Variants in VIPR1 observed in about 807,000 individuals in gnomAD.
VIPR1 encodes the protein vasoactive intestinal polypeptide receptor 1.
VIPR1 carries 59 observed loss-of-function variants against 58.8 expected under a neutral mutation model. The ratio of observed to expected loss-of-function variants is 1.00; its 90% CI spans 0.81 to 1.25. The LOEUF (loss-of-function observed/expected upper bound fraction) is 1.25. VIPR1 is among the 50% of genes most tolerant of loss of function. The pLI, the probability that VIPR1 is intolerant of heterozygous loss-of-function variation, is 0.00. For synonymous variants in VIPR1, 251 were observed against 242.1 expected, an observed-to-expected ratio of 1.04 and a Z score of -0.34; for missense variants, 626 against 602.7, an observed-to-expected ratio of 1.04 and a Z score of -0.40.
At chr3:42,532,086 C>A in intron 9 of VIPR1, 156 bp from the exon 10 acceptor site, 1 of 909,834 alleles carries the variant, frequency 1.1e-6, no homozygotes, top group Non-Finnish European at 1.7e-6. Context: ...AGGTAGAGTT[C>A]CCGGATGACC....
chr3:42,533,514 TC>T (rs1401117090), intron 10 of VIPR1: 2 of 151,664 alleles, frequency 1.3e-5, no homozygotes, highest in Non-Finnish European at 1.5e-5. Context: ...GGACCTTATT[TC>T]CCCCAACTTA....
chr3:42,536,366 G>A lies in VIPR1; in HGVS notation c.*85G>A. ...GACGCCGGGGACAGAGGCCTGCCCG[G>A]GCGCGGCCAGCCCCGGCCCTGGGCT... On this transcript the variant is annotated 3_prime_UTR_variant, in exon 13 of 13. Coordinates refer to ENST00000325123, the MANE Select transcript of VIPR1 (RefSeq NM_004624.4). The A allele has an allele frequency of 2.9e-6, 4 of 1,395,918 alleles. No homozygotes were observed. In the South Asian group the frequency reaches 4.6e-5, roughly 16 times the overall value. The allele number at this position is 1,395,918 out of a possible 1,614,324, so 86.5% of individuals were successfully genotyped here.
At chr3:42,491,136 C>A (rs1464041328) in intron 1 of VIPR1, among the ~76,000 whole-genome samples, 1 of 152,128 alleles carries the variant, frequency 6.6e-6, no homozygotes, top group East Asian at 1.9e-4. Flanking sequence ...CAAAAGAGAG[C>A]CTGCAAGGAA....
chr3:42,516,326 CCATT>C (rs1700626587), intron 2 of VIPR1, among the ~76,000 whole-genome samples: 2 of 152,196 alleles, frequency 1.3e-5, no homozygotes, highest in Non-Finnish European at 2.9e-5. Flanking sequence ...GGACAACAGG[CCATT>C]CCAGGTACCA....
At chr3:42,526,885 C>T (rs1441145094) in intron 4 of VIPR1, among the ~76,000 whole-genome samples, 1 of 152,180 alleles carries the variant, frequency 6.6e-6, no homozygotes, top group Admixed American at 6.5e-5. Context: ...CCTCATCCCA[C>T]CGACCCCAAC....
At chr3:42,499,724 C>T (rs1699831196), upstream of VIPR1, among the ~76,000 whole-genome samples, 1 of 152,122 alleles carries the variant, frequency 6.6e-6, no homozygotes, top group Non-Finnish European at 1.5e-5. Flanking sequence ...AGATTGGGAC[C>T]ACAGGCTTCC....
At chr3:42,533,796 G>A (rs1389127157) in intron 10 of VIPR1, 2 of 152,296 alleles carry the variant, frequency 1.3e-5, no homozygotes, top group East Asian at 3.9e-4. Flanking sequence ...ATCTTGGCAT[G>A]GCTGAGAACC....
intron 12 of VIPR1, 47 bp from the exon 13 acceptor site, chr3:42,536,043 G>A (rs1356001854): frequency 1.3e-6 from 2 of 1,532,532 alleles, no homozygotes; most frequent in Admixed American, 4.0e-5. Flanking sequence ...AATCAGCAGT[G>A]GAAGAGGCTC....
At chr3:42,501,602 C>T (rs891614336), upstream of VIPR1, among the ~76,000 whole-genome samples, 1 of 152,238 alleles carries the variant, frequency 6.6e-6, no homozygotes, top group Admixed American at 6.5e-5. This position sits in a 1 kb window ranked among gnomAD's most constrained non-coding sequence, Gnocchi z 4.8. Flanking sequence ...GGTGACCCCG[C>T]TCCCCATGCC....
chr3:42,490,305 G>A (rs1699643749), intron 1 of VIPR1, among the ~76,000 whole-genome samples: 1 of 152,248 alleles, frequency 6.6e-6, no homozygotes, highest in Non-Finnish European at 1.5e-5. Flanking sequence ...AGGTTCACAC[G>A]AGCTGCAGCA....
At chr3:42,522,117 T>G (rs1349078787) in intron 3 of VIPR1, among the ~76,000 whole-genome samples, 2 of 85,824 alleles carry the variant, frequency 2.3e-5, no homozygotes, top group African/African-American at 9.8e-5. Flanking sequence ...TTTTTTTTTT[T>G]TTTTTTTTTT....
intron 1 of VIPR1, among the ~76,000 whole-genome samples, chr3:42,491,362 T>C (rs1192726026): frequency 2.6e-5 from 4 of 152,232 alleles, no homozygotes; most frequent in Non-Finnish European, 5.9e-5. Flanking sequence ...TATAATGGTA[T>C]TGTGGTTATT....
At chr3:42,520,358 A>G (rs1388219014) in intron 3 of VIPR1, among the ~76,000 whole-genome samples, 2 of 152,272 alleles carry the variant, frequency 1.3e-5, no homozygotes, top group Admixed American at 6.5e-5. Flanking sequence ...TAAGCAGGGG[A>G]CTGACAAAGT....
intron 12 of VIPR1, among the ~76,000 whole-genome samples, chr3:42,535,743 C>A (rs951870068): frequency 6.6e-6 from 1 of 152,090 alleles, no homozygotes; most frequent in African/African-American, 2.4e-5. Context: ...GGTTGAGTTG[C>A]TGTGGAGCTC....
chr3:42,527,838 CG>C, intron 5 of VIPR1, 152 bp from the exon 6 acceptor site: 2 of 1,138,138 alleles, frequency 1.8e-6, no homozygotes, highest in South Asian at 3.0e-5. Context: ...GGGTGGGGCT[CG>C]TATTTCAGGA....
chr3:42,536,570 CA>C lies in VIPR1; in HGVS notation c.*294del. 1 of 356,428 alleles carries C rather than the reference CA, an allele frequency of 2.8e-6. No homozygotes were observed. Among genetic ancestry groups the C allele is most frequent in the Non-Finnish European group, 5.0e-6 (1 of 199,802 alleles). The allele number at this position is 356,428 out of a possible 1,614,324, so 22.1% of individuals were successfully genotyped here. On this transcript the variant is annotated 3_prime_UTR_variant, in exon 13 of 13. Transcript: ENST00000325123. ...AAAGGCCCCCTACGCCAATCAAGGGCAAAAAGTCTACATACTTTCATCCTGA... is the reference window on the plus strand; with the variant it reads ...AAAGGCCCCCTACGCCAATCAAGGGCAAAAGTCTACATACTTTCATCCTGA...
chr3:42,529,222 C>T (rs889224557), intron 6 of VIPR1: 1 of 152,152 alleles, frequency 6.6e-6, no homozygotes, highest in Non-Finnish European at 1.5e-5. Flanking sequence ...CTTCTGGAGG[C>T]TGAGTTGGGC....
chr3:42,527,882 G>T, intron 5 of VIPR1, 109 bp from the exon 6 acceptor site: 1 of 1,465,310 alleles, frequency 6.8e-7, no homozygotes, highest in Non-Finnish European at 9.3e-7. Context: ...CCTGCCCTCT[G>T]GAGGACACAT....
intron 1 of VIPR1, 172 bp from the exon 2 acceptor site, chr3:42,513,577 C>T: frequency 1.6e-6 from 1 of 631,038 alleles, no homozygotes; most frequent in Non-Finnish European, 2.7e-6. Context: ...GGTTTGGGGG[C>T]AATGGACAAC....
Sources: gnomAD v4.1 joint callset for allele counts (sites outside exome capture counted in the v4.1 genomes callset) on GRCh38, gnomAD v4.1.1 for gene constraint, Gnocchi (gnomAD v3.1) non-coding constraint, MANE v1.5 for transcripts, NCBI Gene and HGNC (gene_info 2026-07-23, HGNC 2026-07-21) for gene names.